Variants in SYTL2 observed in about 807,000 individuals in gnomAD.
The protein encoded by SYTL2 is synaptotagmin-like protein 2.
A neutral mutation model predicts 198.7 loss-of-function variants in SYTL2; 165 were observed. The observed-to-expected ratio is 0.83, with a 90% CI of 0.73 to 0.94. The LOEUF is 0.94. SYTL2 is among the 40% of genes least tolerant of loss of function. The pLI is 0.00. For synonymous variants in SYTL2, 966 were observed against 917.7 expected (o/e 1.05, Z -0.95); for missense variants, 2,835 against 2,582.8 (o/e 1.10, Z -2.12).
intron 4 of SYTL2, among the ~76,000 whole-genome samples, chr11:85,737,917 A>C (rs2090479176): frequency 1.3e-5 from 2 of 152,180 alleles, no homozygotes. Flanking sequence ...TGAGAAGGGC[A>C]AAAGAGGGTC....
At chr11:85,707,842 G>T (rs996773727) in intron 14 of SYTL2, among the ~76,000 whole-genome samples, 1 of 150,398 alleles carries the variant, frequency 6.6e-6, no homozygotes, top group Non-Finnish European at 1.5e-5. Context: ...AGGCACGGTG[G>T]CTCACACCTG....
chr11:85,761,420 C>T (rs116025208), intron 1 of SYTL2, among the ~76,000 whole-genome samples: 1 of 152,108 alleles, frequency 6.6e-6, no homozygotes, highest in African/African-American at 2.4e-5. Context: ...CAAGAAATGG[C>T]AAGGTGACCA....
At chr11:85,704,726 T>C (rs1489011380) in intron 16 of SYTL2, 132 bp downstream of exon 16, 15 of 644,268 alleles carry the variant, frequency 2.3e-5, no homozygotes, top group Non-Finnish European at 2.8e-5. Context: ...TTACCTTTCT[T>C]TTTTTTCCTC....
chr11:85,751,180 A>G (rs1156228462), intron 2 of SYTL2, among the ~76,000 whole-genome samples: 1 of 152,224 alleles, frequency 6.6e-6, no homozygotes, highest in Admixed American at 6.5e-5. Context: ...AATGTAGTTA[A>G]GTGCCACTTA....
the SYTL2 span, among the ~76,000 whole-genome samples, chr11:85,826,074 C>A: frequency 1.3e-5 from 2 of 152,348 alleles, no homozygotes; most frequent in South Asian, 4.1e-4. Flanking sequence ...TATTCACATT[C>A]TCTTTCTTAT....
chr11:85,821,637 A>C, the SYTL2 span, among the ~76,000 whole-genome samples: 1 of 152,246 alleles, frequency 6.6e-6, no homozygotes, highest in Non-Finnish European at 1.5e-5. Context: ...GAAGAATGAA[A>C]GAAGCTTAAG....
intron 19 of SYTL2, 33 bp downstream of exon 19, chr11:85,696,150 C>G (rs182755020): frequency 6.2e-7 from 1 of 1,600,730 alleles, no homozygotes; most frequent in African/African-American, 1.3e-5. Context: ...AAAAATTTGG[C>G]TCATGGAGAA....
At chr11:85,806,528 A>G (rs2092960950) in intron 1 of SYTL2, among the ~76,000 whole-genome samples, 1 of 152,218 alleles carries the variant, frequency 6.6e-6, no homozygotes, top group Non-Finnish European at 1.5e-5. Context: ...AAATTCCCTT[A>G]AAGCAGTTTT....
chr11:85,696,482 A>G (rs1392563708), intron 18 of SYTL2, 94 bp from the exon 19 acceptor site: 1 of 1,047,576 alleles, frequency 9.5e-7, no homozygotes, highest in Non-Finnish European at 1.5e-6. Context: ...AAGATTGACA[A>G]TGGAGGAAAA....
At chr11:85,719,649 T>G (rs1304383498) in intron 9 of SYTL2, among the ~76,000 whole-genome samples, 1 of 152,104 alleles carries the variant, frequency 6.6e-6, no homozygotes, top group East Asian at 1.9e-4. Flanking sequence ...GAGGAGGCTT[T>G]AGAGAGAATT....
chr11:85,787,820 G>T (rs1476044913), intron 1 of SYTL2, among the ~76,000 whole-genome samples: 1 of 151,182 alleles, frequency 6.6e-6, no homozygotes, highest in Non-Finnish European at 1.5e-5. Context: ...TGGGCTAGAG[G>T]TATGGAAAGG....
At chr11:85,710,674 A>T (rs943172860) in intron 13 of SYTL2, among the ~76,000 whole-genome samples, 3 of 152,192 alleles carry the variant, frequency 2.0e-5, no homozygotes, top group Non-Finnish European at 4.4e-5. Context: ...GCCTTCTAAA[A>T]GGCAAGGAAT....
Position 85,725,677 on chromosome 11 carries a change from G to T in SYTL2, c.3681C>A (p.Pro1227=), listed in dbSNP as rs1363067608. The part of the protein sequence containing the change: ...LKEATGTSPS[P]LQAKLAPVIT... Reference sequence around the variant, plus strand: ...TAACAGGCGCCAACTTGGCTTGCAAGGGAGAGGGTGAAGTTCCAGTTGCTT... The same window carrying T: ...TAACAGGCGCCAACTTGGCTTGCAATGGAGAGGGTGAAGTTCCAGTTGCTT... The change falls in exon 8 of 20, where the codon CCC becomes CCA. Residue 1227 remains proline, a synonymous_variant. Transcript: ENST00000359152. 1 of 1,613,922 alleles carries T rather than the reference G, an allele frequency of 6.2e-7. No homozygotes were observed. Among genetic ancestry groups the T allele is most frequent in the Non-Finnish European group, 8.5e-7 (1 of 1,180,000 alleles).
rs780685183 is a variant in SYTL2 at position 85,736,477 on chromosome 11, C to A, written c.586+24G>T. ...CCACAGATAACAAAGATAAAAAAAT[C>A]AAGTTCATAAAAATAATATTTACCC... On this transcript the variant is annotated intron_variant, in intron 6 of 19. Coordinates refer to ENST00000359152, the MANE Select transcript of SYTL2 (RefSeq NM_206927.4). 6 of 1,259,818 alleles carry A rather than the reference C, an allele frequency of 4.8e-6. No individual in the cohort carries two copies. In the East Asian group the frequency reaches 9.6e-5, roughly 20 times the overall value. The allele number at this position is 1,259,818 out of a possible 1,614,324, so 78.0% of individuals were successfully genotyped here.
chr11:85,815,507 A>T (rs1454981852), upstream of SYTL2, among the ~76,000 whole-genome samples: 1 of 152,230 alleles, frequency 6.6e-6, no homozygotes, highest in African/African-American at 2.4e-5. Context: ...TTGTGTTAGC[A>T]ATCTCTCCAC....
chr11:85,719,147 A>C, intron 9 of SYTL2: 1 of 1,407,770 alleles, frequency 7.1e-7, no homozygotes, highest in Non-Finnish European at 9.4e-7. Context: ...ACGGGGCTGC[A>C]ACAGCCTCTC....
At chr11:85,745,599 G>A (rs2091095721) in intron 4 of SYTL2, 38 bp downstream of exon 4, 2 of 1,593,248 alleles carry the variant, frequency 1.3e-6, no homozygotes, top group African/African-American at 2.7e-5. Context: ...GGCCATGAAA[G>A]CCACATGCAG....
chr11:85,771,821 C>G (rs2153580221), intron 1 of SYTL2, among the ~76,000 whole-genome samples: 1 of 152,228 alleles, frequency 6.6e-6, no homozygotes, highest in African/African-American at 2.4e-5. Flanking sequence ...ACCCTCTTTG[C>G]TGAATCACCA....
chr11:85,811,545 G>A (rs989772094), upstream of SYTL2, among the ~76,000 whole-genome samples: 1 of 152,202 alleles, frequency 6.6e-6, no homozygotes, highest in Non-Finnish European at 1.5e-5. Flanking sequence ...GCAGGGAAAG[G>A]GGCGCGGAGG....
Sources: allele counts gnomAD v4.1 joint callset (sites outside exome capture counted in the v4.1 genomes callset), GRCh38; gene constraint gnomAD v4.1.1; transcripts MANE v1.5; gene names NCBI Gene and HGNC (gene_info 2026-07-23, HGNC 2026-07-21).